The following RGS7 variants were observed in gnomAD, a reference collection of about 807,000 sequenced individuals.
RGS7 encodes regulator of G-protein signaling 7.
In RGS7, 27 loss-of-function variants were observed where a neutral mutation model predicts 81.1. The observed-to-expected ratio is 0.33, with a 90% CI of 0.25 to 0.46. The LOEUF is 0.46. Among genes scored for constraint, RGS7 ranks in the 20% least tolerant of loss-of-function variants. The probability of loss-of-function intolerance (pLI) is 1.00; values close to 1 mark genes in which losing one functional copy is unlikely to be tolerated. For missense variants in RGS7, 396 were observed against 607.4 expected, an observed-to-expected ratio of 0.65 and a Z score of 3.66; for synonymous variants, 208 against 207.7, an observed-to-expected ratio of 1.00 and a Z score of -0.01.
At chr1:241,311,368 C>T (rs934144363) in intron 2 of RGS7, among the ~76,000 whole-genome samples, 4 of 152,184 alleles carry the variant, frequency 2.6e-5, no homozygotes, top group Non-Finnish European at 4.4e-5. Flanking sequence ...CAGTGTTTCA[C>T]TAGTTAATTG....
intron 6 of RGS7, chr1:240,919,646 T>G: frequency 2.2e-6 from 1 of 460,370 alleles, no homozygotes; most frequent in Non-Finnish European, 4.0e-6. Context: ...CTCTTCTCCC[T>G]GCCCTCATGC....
At chr1:240,913,059 A>T (rs2148260873) in intron 6 of RGS7, among the ~76,000 whole-genome samples, 1 of 152,320 alleles carries the variant, frequency 6.6e-6, no homozygotes, top group Non-Finnish European at 1.5e-5. Flanking sequence ...AAACACTTCC[A>T]AGCTGGTGGC....
intron 3 of RGS7, among the ~76,000 whole-genome samples, chr1:241,071,875 A>AAAAAAAAAAAAAC: frequency 2.8e-5 from 1 of 36,160 alleles, no homozygotes; most frequent in Non-Finnish European, 6.3e-5. Context: ...AGACCCTGTC[A>AAAAAAAAAAAAAC]AAAAAAAAAA....
intron 14 of RGS7, among the ~76,000 whole-genome samples, chr1:240,807,555 C>T (rs1689077303): frequency 6.6e-6 from 1 of 152,204 alleles, no homozygotes; most frequent in Non-Finnish European, 1.5e-5. Flanking sequence ...ATATCAACTA[C>T]TACTCAGTCT....
chr1:241,301,046 G>A (rs2079722732), intron 2 of RGS7, among the ~76,000 whole-genome samples: 1 of 152,134 alleles, frequency 6.6e-6, no homozygotes, highest in Non-Finnish European at 1.5e-5. Flanking sequence ...TATTTGCCAG[G>A]CCTTTCCTTT....
intron 18 of RGS7, among the ~76,000 whole-genome samples, chr1:240,779,982 C>T (rs946825096): frequency 1.3e-5 from 2 of 152,132 alleles, no homozygotes; most frequent in South Asian, 2.1e-4. Flanking sequence ...ACTGCTTTTC[C>T]ACCCCAATCC....
chr1:241,080,699 G>A (rs555495740), intron 3 of RGS7, among the ~76,000 whole-genome samples: 2 of 152,218 alleles, frequency 1.3e-5, no homozygotes, highest in South Asian at 2.1e-4. Context: ...TTGTTCATCT[G>A]TTGTGTATGC....
intron 2 of RGS7, among the ~76,000 whole-genome samples, chr1:241,199,684 A>AG (rs2073353375): frequency 1.2e-5 from 1 of 83,158 alleles, no homozygotes; most frequent in Admixed American, 1.4e-4. Context: ...TGTGGCTTCC[A>AG]GAAAAAAAAA....
chr1:241,334,313 G>A (rs2082125598), intron 2 of RGS7, among the ~76,000 whole-genome samples: 1 of 152,126 alleles, frequency 6.6e-6, no homozygotes, highest in South Asian at 2.1e-4. Flanking sequence ...GGTTGAAATA[G>A]CAAGATTCAT....
At chr1:240,933,104 C>A (rs149497983) in intron 5 of RGS7, among the ~76,000 whole-genome samples, 88 of 141,938 alleles carry the variant, frequency 6.2e-4, no homozygotes, top group Middle Eastern at 8.5e-3. Context: ...GGATGGTCTC[C>A]ATCTCCTGAC....
intron 2 of RGS7, among the ~76,000 whole-genome samples, chr1:241,246,981 TC>T (rs1311026470): frequency 6.6e-6 from 1 of 151,842 alleles, no homozygotes; most frequent in East Asian, 1.9e-4. Context: ...TCCTAGAAAC[TC>T]CCAGAAATAC....
chr1:241,134,546 T>C (rs887967990), intron 2 of RGS7, among the ~76,000 whole-genome samples: 1 of 152,200 alleles, frequency 6.6e-6, no homozygotes, highest in African/African-American at 2.4e-5. Flanking sequence ...GAAGGAAATC[T>C]GGAGAAATCT....
chr1:241,337,425 A>G (rs1003002974), intron 2 of RGS7, among the ~76,000 whole-genome samples: 1 of 152,124 alleles, frequency 6.6e-6, no homozygotes, highest in African/African-American at 2.4e-5. Flanking sequence ...TCAGGGAATC[A>G]CTGCAGTCTA....
chr1:241,139,131 T>C (rs375661103), intron 2 of RGS7, among the ~76,000 whole-genome samples: 12 of 152,190 alleles, frequency 7.9e-5, no homozygotes, highest in East Asian at 3.9e-4. Context: ...CGTCAGTAGA[T>C]TGTTCCCTTC....
At chr1:240,801,382 G>T in intron 17 of RGS7, 73 bp downstream of exon 17, 1 of 951,424 alleles carries the variant, frequency 1.1e-6, no homozygotes, top group Non-Finnish European at 1.7e-6. Context: ...TGGGTAACAG[G>T]GCTAGAAATA....
chr1:241,338,700 TA>T (rs60145869), intron 2 of RGS7, among the ~76,000 whole-genome samples: 12,337 of 149,850 alleles, frequency 0.082, 1,471 homozygotes, highest in African/African-American at 0.26. Flanking sequence ...TTATAAGAGA[TA>T]ATATATAGTA....
chr1:240,895,457 G>GC (rs1260767915), intron 6 of RGS7, among the ~76,000 whole-genome samples: 1 of 151,716 alleles, frequency 6.6e-6, no homozygotes, highest in Admixed American at 6.6e-5. Context: ...CCCATGACAG[G>GC]CCCCGGTGTG....
At chr1:241,142,118 C>T (rs140115906) in intron 2 of RGS7, among the ~76,000 whole-genome samples, 1,770 of 152,314 alleles carry the variant, frequency 0.012, 42 homozygotes, top group East Asian at 0.06. Context: ...AGACGTGGGT[C>T]CCCATGGTCT....
At chr1:241,204,553 G>A (rs534581487) in intron 2 of RGS7, among the ~76,000 whole-genome samples, 2 of 152,092 alleles carry the variant, frequency 1.3e-5, no homozygotes, top group Non-Finnish European at 2.9e-5. Context: ...TAATAATTGT[G>A]ATATCTGCCA....
Sources: allele counts gnomAD v4.1 joint callset (sites outside exome capture counted in the v4.1 genomes callset), GRCh38; gene constraint gnomAD v4.1.1; transcripts MANE v1.5; gene names NCBI Gene and HGNC (gene_info 2026-07-23, HGNC 2026-07-21).